Variants in EVI5 observed in about 807,000 individuals in gnomAD.
EVI5 encodes the protein ecotropic viral integration site 5 protein homolog.
A neutral mutation model predicts 112.0 loss-of-function variants in EVI5; 73 were observed. The ratio of observed to expected loss-of-function variants is 0.65; its 90% CI spans 0.54 to 0.79. EVI5 has a LOEUF of 0.79. EVI5 is among the 30% of genes least tolerant of loss of function. The pLI, the probability that EVI5 is intolerant of heterozygous loss-of-function variation, is 0.00. For synonymous variants in EVI5, 305 were observed against 319.9 expected (o/e 0.95, Z 0.50); for missense variants, 900 against 968.8 (o/e 0.93, Z 0.94).
At chr1:92,549,933 C>G (rs909798523) in intron 19 of EVI5, among the ~76,000 whole-genome samples, 24 of 152,162 alleles carry the variant, frequency 1.6e-4, no homozygotes, top group African/African-American at 5.8e-4. Flanking sequence ...TTGTGGAAGA[C>G]AGTGTGGCGA....
At chr1:92,571,013 A>G (rs1208871007) in intron 18 of EVI5, among the ~76,000 whole-genome samples, 2 of 152,018 alleles carry the variant, frequency 1.3e-5, no homozygotes, top group Non-Finnish European at 2.9e-5. Flanking sequence ...AAAGAATTTC[A>G]AAAAGGAAAA....
rs112021034 is a variant in EVI5 at position 92,587,029 on chromosome 1, G to T, written c.2070+18278C>A. On this transcript the variant is annotated intron_variant, in intron 18 of 19. Transcript: ENST00000684568. ...GATCTTACTATGAGCTCATCTTGGG[G>T]GATCCAAATGATGTTCTTCAATTCT... 6.6e-5 allele frequency among the ~76,000 whole-genome samples: 10 copies of T among 151,998 alleles called. 1 individual carries two copies. The highest frequency in any genetic ancestry group is 2.4e-4 in the African/African-American group (10 of 41,452).
intron 13 of EVI5, among the ~76,000 whole-genome samples, chr1:92,637,149 G>A (rs920270193): frequency 5.9e-5 from 9 of 152,200 alleles, no homozygotes; most frequent in East Asian, 1.9e-4. Context: ...AGGCCGAGGC[G>A]GGTGGATCAC....
At chr1:92,733,700 C>T (rs550568864) in intron 2 of EVI5, among the ~76,000 whole-genome samples, 1 of 152,158 alleles carries the variant, frequency 6.6e-6, no homozygotes, top group East Asian at 1.9e-4. Flanking sequence ...GCGTGAGACA[C>T]AGCACCCGGT....
intron 2 of EVI5, among the ~76,000 whole-genome samples, chr1:92,721,533 G>A (rs1194175583): frequency 3.3e-5 from 5 of 152,154 alleles, no homozygotes; most frequent in African/African-American, 9.7e-5. Context: ...GTCAAGGGGT[G>A]GAGGGCTGGG....
At chr1:92,682,454 C>T (rs1667746442) in intron 9 of EVI5, among the ~76,000 whole-genome samples, 2 of 152,026 alleles carry the variant, frequency 1.3e-5, no homozygotes, top group African/African-American at 2.4e-5. Context: ...ATAATTTAAC[C>T]CTAGCAATTA....
At chr1:92,695,896 T>C (rs1249374634) in intron 6 of EVI5, among the ~76,000 whole-genome samples, 1 of 152,134 alleles carries the variant, frequency 6.6e-6, no homozygotes, top group Admixed American at 6.6e-5. Context: ...AAAATACAGA[T>C]GTTTCAGCAA....
chr1:92,545,922 C>T lies in EVI5; in HGVS notation c.2166+17720G>A, dbSNP rs146634225. ...TTGAAATATCCTCTATTCTCCTTTT[C>T]CTGGCAATCTTCTACTCCTTCTCTA... On this transcript the variant is annotated intron_variant, in intron 19 of 19. Transcript: ENST00000684568. Among the ~76,000 whole-genome samples the T allele has an allele frequency of 9.2e-5, 14 of 152,026 alleles. 1 individual carries two copies. The East Asian group carries it at 2.5e-3, about 28-fold the overall frequency.
At chr1:92,702,883 G>A (rs2102541882) in intron 4 of EVI5, among the ~76,000 whole-genome samples, 1 of 152,164 alleles carries the variant, frequency 6.6e-6, no homozygotes, top group Non-Finnish European at 1.5e-5. Flanking sequence ...CAAAGGATTG[G>A]CGAAATTGAA....
At chr1:92,616,037 A>C (rs1653050342) in intron 16 of EVI5, among the ~76,000 whole-genome samples, 1 of 152,116 alleles carries the variant, frequency 6.6e-6, no homozygotes, top group African/African-American at 2.4e-5. Flanking sequence ...AAAGGTTCTA[A>C]TAGTTTATTT....
chr1:92,690,793 T>C (rs1187445459), intron 9 of EVI5, among the ~76,000 whole-genome samples: 1 of 152,200 alleles, frequency 6.6e-6, no homozygotes, highest in Non-Finnish European at 1.5e-5. Flanking sequence ...AAGAAATCTG[T>C]CATTACCTTA....
intron 2 of EVI5, among the ~76,000 whole-genome samples, chr1:92,706,049 T>C (rs1288595471): frequency 6.6e-6 from 1 of 152,140 alleles, no homozygotes; most frequent in African/African-American, 2.4e-5. Flanking sequence ...CAGTATAAAC[T>C]GAACAAACAA....
At chr1:92,668,519 T>C (rs574711101) in intron 10 of EVI5, among the ~76,000 whole-genome samples, 1 of 152,328 alleles carries the variant, frequency 6.6e-6, no homozygotes, top group South Asian at 2.1e-4. Flanking sequence ...TGAATAAAGT[T>C]ATGACAGAAA....
At chr1:92,581,489 A>C (rs952052258) in intron 18 of EVI5, among the ~76,000 whole-genome samples, 5 of 152,298 alleles carry the variant, frequency 3.3e-5, no homozygotes, top group Non-Finnish European at 7.3e-5. Context: ...TTCTCTCCAC[A>C]TGTGAGATAT....
At chr1:92,692,102 G>A (rs962887447) in intron 9 of EVI5, among the ~76,000 whole-genome samples, 2 of 152,144 alleles carry the variant, frequency 1.3e-5, no homozygotes, top group Non-Finnish European at 2.9e-5. Flanking sequence ...CATATCAGAA[G>A]AAGGCTTTTA....
intron 2 of EVI5, among the ~76,000 whole-genome samples, chr1:92,705,216 T>A (rs570857714): frequency 6.6e-6 from 1 of 152,318 alleles, no homozygotes; most frequent in South Asian, 2.1e-4. Context: ...GCTTCACACA[T>A]GCATAACCAA....
chr1:92,740,729 T>C (rs1558182139), intron 1 of EVI5, among the ~76,000 whole-genome samples: 2 of 152,250 alleles, frequency 1.3e-5, no homozygotes, highest in Admixed American at 6.5e-5. Flanking sequence ...ATGCAAAGCA[T>C]GGAGACTGCT....
chr1:92,637,740 C>A (rs1304746419), intron 13 of EVI5, among the ~76,000 whole-genome samples: 3 of 152,150 alleles, frequency 2.0e-5, no homozygotes, highest in Non-Finnish European at 4.4e-5. Context: ...GTTATTTTTA[C>A]TCTTTAATAT....
At chr1:92,558,975 T>C (rs561991020) in intron 19 of EVI5, among the ~76,000 whole-genome samples, 2 of 152,238 alleles carry the variant, frequency 1.3e-5, no homozygotes, top group Admixed American at 6.5e-5. Context: ...TATACAGTTG[T>C]CCCTCAGTAT....
Sources: allele counts gnomAD v4.1 joint callset (sites outside exome capture counted in the v4.1 genomes callset), GRCh38; gene constraint gnomAD v4.1.1; transcripts MANE v1.5; gene names NCBI Gene and HGNC (gene_info 2026-07-23, HGNC 2026-07-21).